The following RASA1 variants were observed in gnomAD, a reference collection of about 807,000 sequenced individuals.
RASA1 encodes RAS p21 protein activator 1.
A neutral mutation model predicts 132.2 loss-of-function variants in RASA1; 25 were observed. That is an observed-to-expected ratio of 0.19 (90% CI 0.14 to 0.26). The LOEUF (loss-of-function observed/expected upper bound fraction) is 0.26. RASA1 is among the 10% of genes least tolerant of loss of function. The probability of loss-of-function intolerance (pLI) is 1.00; values close to 1 mark genes in which losing one functional copy is unlikely to be tolerated. For synonymous variants in RASA1, 477 were observed against 449.9 expected (o/e 1.06, Z -0.76); for missense variants, 964 against 1,299.2 (o/e 0.74, Z 3.97).
chr5:87,386,808 A>C lies in RASA1; in HGVS notation c.2848-18A>C, dbSNP rs754889152. ...GGTTTGTTTCTGGTGCATATAACAG[A>C]AGCATTTTATTTTTCAGGAGCCCTA... On this transcript the variant is annotated intron_variant, in intron 22 of 24. Coordinates refer to ENST00000274376, the MANE Select transcript of RASA1 (RefSeq NM_002890.3). The C allele has an allele frequency of 4.4e-6, 7 of 1,606,342 alleles. No individual in the cohort carries two copies. In the East Asian group the frequency reaches 1.6e-4, roughly 36 times the overall value.
Position 87,271,585 on chromosome 5 carries a change from C to T in RASA1, c.539+2595C>T, listed in dbSNP as rs373514914. On this transcript the variant is annotated intron_variant, in intron 1 of 24. Transcript: ENST00000274376. ...GCCCCTCCCCGCCTTCAGGTTCAAGCGATTCTCCTGCCTCAGCCTCCTGAG... is the reference window on the plus strand; with the variant it reads ...GCCCCTCCCCGCCTTCAGGTTCAAGTGATTCTCCTGCCTCAGCCTCCTGAG... 9.4e-5 allele frequency among the ~76,000 whole-genome samples: 14 copies of T among 148,900 alleles called. No homozygotes were observed. The East Asian group carries it at 2.6e-3, about 28-fold the overall frequency.
chr5:87,376,854 A>T, intron 16 of RASA1, 27 bp from the exon 17 acceptor site: 4 of 1,565,436 alleles, frequency 2.6e-6, no homozygotes, highest in Admixed American at 1.7e-5. Context: ...TACGTACTTT[A>T]AACAATCTTT....
intron 20 of RASA1, among the ~76,000 whole-genome samples, chr5:87,381,433 A>G (rs186376724): frequency 1.5e-4 from 23 of 152,328 alleles, no homozygotes; most frequent in Admixed American, 1.2e-3. Flanking sequence ...CAGTTTTCTA[A>G]TAATATAATT....
chr5:87,365,406 A>G (rs556380732), intron 11 of RASA1, among the ~76,000 whole-genome samples: 69 of 152,230 alleles, frequency 4.5e-4, no homozygotes, highest in Middle Eastern at 3.4e-3. Context: ...TTCTTGTTCA[A>G]TCATCCAGGT....
At chr5:87,305,245 G>A (rs1486422979) in intron 1 of RASA1, among the ~76,000 whole-genome samples, 3 of 152,042 alleles carry the variant, frequency 2.0e-5, no homozygotes, top group Non-Finnish European at 1.5e-5. Context: ...CCAACTTCAA[G>A]CTATACCACA....
chr5:87,312,649 A>C (rs1374170013), intron 1 of RASA1, among the ~76,000 whole-genome samples: 1 of 152,214 alleles, frequency 6.6e-6, no homozygotes, highest in Non-Finnish European at 1.5e-5. Flanking sequence ...ACTAAGGGAA[A>C]GATAGTTTGC....
rs1310834014 is a variant in RASA1 at position 87,268,885 on chromosome 5, C to G, written c.434C>G (p.Pro145Arg). ...PPLPPPPYLP[P>R]LGAGLGTVDE... ...CTGCCCCCTCCCCCTTACCTGCCCCCTTTGGGGGCGGGCCTCGGGACAGTG... is the reference window on the plus strand; with the variant it reads ...CTGCCCCCTCCCCCTTACCTGCCCCGTTTGGGGGCGGGCCTCGGGACAGTG... Residue 145 changes from proline to arginine, a missense_variant, in exon 1 of 25, where the codon CCT becomes CGT. Transcript: ENST00000274376. 2 of 1,614,130 alleles carry G rather than the reference C, an allele frequency of 1.2e-6. No individual in the cohort carries two copies. Among genetic ancestry groups the G allele is most frequent in the Admixed American group, 1.7e-5 (1 of 60,028 alleles).
chr5:87,271,073 T>A (rs1251215759), intron 1 of RASA1, among the ~76,000 whole-genome samples: 1 of 152,056 alleles, frequency 6.6e-6, no homozygotes, highest in Admixed American at 6.5e-5. Context: ...ACCCCGTCTC[T>A]ACTAAAAATA....
rs1561325012 is a variant in RASA1 at position 87,379,717 on chromosome 5, AT to A, written c.2488-15del. The A allele has an allele frequency of 6.2e-7, 1 of 1,610,524 alleles. No individual in the cohort carries two copies. The highest frequency in any genetic ancestry group is 2.2e-5 in the East Asian group (1 of 44,576). On this transcript the variant is annotated splice_polypyrimidine_tract_variant and intron_variant, in intron 18 of 24. Coordinates refer to ENST00000274376, the MANE Select transcript of RASA1 (RefSeq NM_002890.3). ...TCATTGCCAACATGCATTTATATTG[AT>A]TTATTCCTTCTTTTAGTTAAGTCCA... is the stretch of plus-strand genomic sequence containing the variant.
At chr5:87,302,549 C>T (rs527511515) in intron 1 of RASA1, among the ~76,000 whole-genome samples, 7 of 148,984 alleles carry the variant, frequency 4.7e-5, no homozygotes, top group Non-Finnish European at 8.9e-5. Flanking sequence ...TCTTTGTGGT[C>T]GAAGTGTAAC....
chr5:87,313,449 G>A (rs1402295842), intron 1 of RASA1, among the ~76,000 whole-genome samples: 2 of 152,134 alleles, frequency 1.3e-5, no homozygotes, highest in African/African-American at 4.8e-5. Flanking sequence ...TCTCCAGTTT[G>A]GCTAGATACG....
intron 17 of RASA1, 29 bp from the exon 18 acceptor site, chr5:87,378,367 A>G (rs1237955936): frequency 1.2e-6 from 2 of 1,609,932 alleles, no homozygotes; most frequent in Non-Finnish European, 1.7e-6. Context: ...TCCTTTACAA[A>G]TAATCTTCTA....
intron 1 of RASA1, among the ~76,000 whole-genome samples, chr5:87,312,632 C>T (rs1756006905): frequency 2.0e-5 from 3 of 152,128 alleles, no homozygotes; most frequent in Non-Finnish European, 4.4e-5. Flanking sequence ...ATGAGATGAA[C>T]AACTAAACTA....
intron 11 of RASA1, among the ~76,000 whole-genome samples, chr5:87,367,062 A>AT (rs1016493444): frequency 1.3e-5 from 2 of 151,616 alleles, no homozygotes; most frequent in Admixed American, 6.6e-5. Context: ...AACAACAAAA[A>AT]TTTTTTTTTC....
chr5:87,379,079 A>G (rs771706352), intron 18 of RASA1, among the ~76,000 whole-genome samples: 214 of 152,320 alleles, frequency 1.4e-3, no homozygotes, highest in Non-Finnish European at 2.1e-3. Context: ...CAAAGAAATA[A>G]TATATATTAG....
intron 15 of RASA1, 121 bp downstream of exon 15, chr5:87,375,037 A>G: frequency 7.6e-7 from 1 of 1,307,938 alleles, no homozygotes; most frequent in Non-Finnish European, 1.0e-6. Flanking sequence ...ATAATTTGAG[A>G]TAGTTTCTTT....
intron 11 of RASA1, among the ~76,000 whole-genome samples, chr5:87,368,525 A>G (rs559423042): frequency 2.0e-5 from 3 of 152,262 alleles, no homozygotes; most frequent in African/African-American, 7.2e-5. Context: ...TATGGAAACT[A>G]ATGTTATTGC....
Position 87,391,180 on chromosome 5 carries a change from A to C in RASA1, c.*297A>C. 2 of 503,434 alleles carry C rather than the reference A, an allele frequency of 4.0e-6. No individual in the cohort carries two copies. Among genetic ancestry groups the C allele is most frequent in the Non-Finnish European group, 7.2e-6 (2 of 278,962 alleles). The allele number at this position is 503,434 out of a possible 1,614,324, so 31.2% of individuals were successfully genotyped here. A position where few individuals can be genotyped will look rare whatever the true frequency, so the allele number is the denominator to read the frequency against. On this transcript the variant is annotated 3_prime_UTR_variant, in exon 25 of 25. Transcript: ENST00000274376. ...CGAAATGCTATGACTGTATCTTGAT[A>C]TCTCGAACTTTCAAAATATATTTTC...
Position 87,363,002 on chromosome 5 carries a change from G to T in RASA1, c.1453+331G>T, listed in dbSNP as rs150954120. 9.1e-3 allele frequency among the ~76,000 whole-genome samples: 1,384 copies of T among 151,556 alleles called. 26 individuals carry two copies. Among genetic ancestry groups the T allele is most frequent in the African/African-American group, 0.031 (1,286 of 41,344 alleles). ...CAATTTGACATAACGACATTTTGGG[G>T]AATTGTGGGTGGGGGTGTGCTTTAT... is the stretch of plus-strand genomic sequence containing the variant. On this transcript the variant is annotated intron_variant, in intron 10 of 24. Coordinates refer to ENST00000274376, the MANE Select transcript of RASA1 (RefSeq NM_002890.3).
Sources: allele counts gnomAD v4.1 joint callset (sites outside exome capture counted in the v4.1 genomes callset), GRCh38; gene constraint gnomAD v4.1.1; transcripts MANE v1.5; gene names NCBI Gene and HGNC (gene_info 2026-07-23, HGNC 2026-07-21).